The following PRKN variants were observed in gnomAD, a reference collection of about 807,000 sequenced individuals.
PRKN encodes the protein parkin RBR E3 ubiquitin protein ligase.
PRKN carries 56 observed loss-of-function variants against 59.5 expected under a neutral mutation model. The ratio of observed to expected loss-of-function variants is 0.94; its 90% CI spans 0.76 to 1.18. The LOEUF (loss-of-function observed/expected upper bound fraction) is 1.18, where lower values mean the gene tolerates loss of function less well. PRKN is among the 50% of genes most tolerant of loss of function. The pLI, the probability that PRKN is intolerant of heterozygous loss-of-function variation, is 0.00. For missense variants in PRKN, 657 were observed against 596.4 expected (o/e 1.10, Z -1.06); for synonymous variants, 250 against 222.1 (o/e 1.13, Z -1.12).
intron 9 of PRKN, among the ~76,000 whole-genome samples, chr6:161,406,189 CACACATATATACATAT>C (rs1270411004): frequency 2.0e-5 from 3 of 149,554 alleles, no homozygotes; most frequent in Non-Finnish European, 4.4e-5. Flanking sequence ...TACATATATA[CACACATATATACATAT>C]ACACATATAT....
chr6:161,903,253 G>A (rs944397651), intron 6 of PRKN, among the ~76,000 whole-genome samples: 1 of 148,670 alleles, frequency 6.7e-6, no homozygotes, highest in Non-Finnish European at 1.5e-5. Flanking sequence ...TCAGTGAGGA[G>A]ACACTGGTAG....
At position 161,545,198 on chromosome 6, in the gene PRKN, C is replaced by T; in HGVS notation, c.1083+3656G>A. On this transcript the variant is annotated intron_variant, in intron 9 of 11. Transcript: ENST00000366898. This position sits in a 1 kb window ranked among gnomAD's most constrained non-coding sequence, Gnocchi z 4.1. Reference sequence around the variant, plus strand: ...CCACATGGTAAGAGTTGTACTTTTTCTATCTTGATAATTGAGGGAAAAAAA... The same window carrying T: ...CCACATGGTAAGAGTTGTACTTTTTTTATCTTGATAATTGAGGGAAAAAAA... The T allele has an allele frequency of 7.3e-7, 1 of 1,367,952 alleles. No homozygotes were observed. Among genetic ancestry groups the T allele is most frequent in the Non-Finnish European group, 9.4e-7 (1 of 1,062,706 alleles). The allele number at this position is 1,367,952 out of a possible 1,614,324, so 84.7% of individuals were successfully genotyped here. A position where few individuals can be genotyped will look rare whatever the true frequency, so the allele number is the denominator to read the frequency against.
chr6:161,553,673 T>C (rs1363942602), intron 8 of PRKN, among the ~76,000 whole-genome samples: 1 of 152,244 alleles, frequency 6.6e-6, no homozygotes, highest in East Asian at 1.9e-4. Flanking sequence ...AGTGGTATTG[T>C]ATGAATAGGA....
chr6:161,660,620 GC>G (rs1242962415), intron 7 of PRKN, among the ~76,000 whole-genome samples: 6 of 152,096 alleles, frequency 3.9e-5, no homozygotes, highest in Non-Finnish European at 7.4e-5. Flanking sequence ...AGCGGCAGTG[GC>G]CTCACCTCTC....
chr6:161,785,120 G>A (rs1473664797), intron 7 of PRKN, among the ~76,000 whole-genome samples: 2 of 152,238 alleles, frequency 1.3e-5, no homozygotes, highest in African/African-American at 4.8e-5. Flanking sequence ...GTCACAGGCA[G>A]TGATTAGCTG....
At chr6:162,176,263 T>C (rs914331429) in intron 4 of PRKN, among the ~76,000 whole-genome samples, 1 of 152,144 alleles carries the variant, frequency 6.6e-6, no homozygotes, top group Non-Finnish European at 1.5e-5. Flanking sequence ...TTTAAGTTGG[T>C]TGAGGCTAGG....
At chr6:162,173,202 C>G (rs1488874580) in intron 4 of PRKN, among the ~76,000 whole-genome samples, 2 of 152,222 alleles carry the variant, frequency 1.3e-5, no homozygotes, top group African/African-American at 4.8e-5. Flanking sequence ...CCTCCAGCTT[C>G]CAGCTGAAAC....
At chr6:162,339,580 C>G (rs1204730192) in intron 2 of PRKN, among the ~76,000 whole-genome samples, 85 of 146,358 alleles carry the variant, frequency 5.8e-4, no homozygotes, top group Non-Finnish European at 1.1e-3. Flanking sequence ...TCTGCCCGGC[C>G]GCCCCTACTG....
chr6:162,565,728 A>G (rs979879123), intron 1 of PRKN, among the ~76,000 whole-genome samples: 1 of 151,938 alleles, frequency 6.6e-6, no homozygotes, highest in Non-Finnish European at 1.5e-5. Context: ...ATACATACAT[A>G]CATACATACA....
chr6:162,581,553 G>A (rs1323094105), intron 1 of PRKN, among the ~76,000 whole-genome samples: 1 of 152,242 alleles, frequency 6.6e-6, no homozygotes, highest in Non-Finnish European at 1.5e-5. Context: ...CTGAGGTCAG[G>A]AGTTCGGGAC....
rs1784997445 is a variant in PRKN, at chr6:161,362,098, C to A, written c.1168-1893G>T. Among the ~76,000 whole-genome samples, 1 of 152,088 alleles carries A rather than the reference C, an allele frequency of 6.6e-6. No homozygotes were observed. The highest frequency in any genetic ancestry group is 2.4e-5 in the African/African-American group (1 of 41,408). ...GTTGGTGGCAAGTTGGTAAGTCATA[C>A]AAATTGGAGAAAAATACAATTTTAC... On this transcript the variant is annotated intron_variant, in intron 10 of 11. Coordinates refer to ENST00000366898, the MANE Select transcript of PRKN (RefSeq NM_004562.3). The surrounding 1 kb of genome is among the most constrained non-coding windows in gnomAD (Gnocchi z 5.2).
Position 161,426,644 on chromosome 6 carries a change from TAC to T in PRKN, c.1084-39769_1084-39768del, listed in dbSNP as rs546537464. 1.8e-3 allele frequency among the ~76,000 whole-genome samples: 55 copies of T among 30,982 alleles called. 2 individuals carry two copies. Among genetic ancestry groups the T allele is most frequent in the Admixed American group, 0.011 (30 of 2,828 alleles). 20.3% of individuals were successfully genotyped at this position (30,982 alleles called of 152,430 possible). A position where few individuals can be genotyped will look rare whatever the true frequency, so the allele number is the denominator to read the frequency against. On this transcript the variant is annotated intron_variant, in intron 9 of 11. Transcript: ENST00000366898. ...TAATACTACTTAATAAACTCCCCTTTACACACACACACACACACACACACACA... is the reference window on the plus strand; with the variant it reads ...TAATACTACTTAATAAACTCCCCTTTACACACACACACACACACACACACA...
chr6:162,578,542 T>C (rs1476787857), intron 1 of PRKN, among the ~76,000 whole-genome samples: 1 of 152,150 alleles, frequency 6.6e-6, no homozygotes, highest in Non-Finnish European at 1.5e-5. Flanking sequence ...GGACAATGTA[T>C]TTAGGAAAAT....
chr6:161,349,768 C>T lies in PRKN; in HGVS notation c.*331G>A. 4 of 465,338 alleles carry T rather than the reference C, an allele frequency of 8.6e-6. No individual in the cohort carries two copies. In the South Asian group the frequency reaches 8.7e-5, roughly 10 times the overall value. The allele number at this position is 465,338 out of a possible 1,614,324, so 28.8% of individuals were successfully genotyped here. A position where few individuals can be genotyped will look rare whatever the true frequency, so the allele number is the denominator to read the frequency against. Reference sequence around the variant, plus strand: ...GACCCATACAGATACATGGATTGCACTTGAATCTGTGCTCTGGTATTTGTG... The same window carrying T: ...GACCCATACAGATACATGGATTGCATTTGAATCTGTGCTCTGGTATTTGTG... On this transcript the variant is annotated 3_prime_UTR_variant, in exon 12 of 12. Coordinates refer to ENST00000366898, the MANE Select transcript of PRKN (RefSeq NM_004562.3). The surrounding 1 kb of genome is among the most constrained non-coding windows in gnomAD (Gnocchi z 5.5).
At chr6:161,595,328 G>A (rs1257854815) in intron 7 of PRKN, among the ~76,000 whole-genome samples, 2 of 152,048 alleles carry the variant, frequency 1.3e-5, no homozygotes, top group African/African-American at 2.4e-5. Flanking sequence ...ACAGTGTGGG[G>A]CGAGATGTAG....
In PRKN at chr6:161,988,435, C is replaced by T. The variant is rs115738477; in HGVS notation, c.619-15018G>A. ...CCCAGGAGGCAGGGGTTGCATGAGGCGAGATCCCGCACTGCACTCCAGCCT... is the reference window on the plus strand; with the variant it reads ...CCCAGGAGGCAGGGGTTGCATGAGGTGAGATCCCGCACTGCACTCCAGCCT... On this transcript the variant is annotated intron_variant, in intron 5 of 11. Transcript: ENST00000366898. Among the ~76,000 whole-genome samples, 935 of 151,804 alleles carry T rather than the reference C, an allele frequency of 6.2e-3. 8 individuals are homozygous for T. Among genetic ancestry groups the T allele is most frequent in the African/African-American group, 0.021 (889 of 41,394 alleles).
intron 2 of PRKN, among the ~76,000 whole-genome samples, chr6:162,323,311 A>AG (rs398085476): frequency 6.6e-6 from 1 of 151,840 alleles, no homozygotes; most frequent in Non-Finnish European, 1.5e-5. Flanking sequence ...TATAGAAAAA[A>AG]ACATAAGAGA....
At chr6:161,700,386 T>C (rs1348394741) in intron 7 of PRKN, among the ~76,000 whole-genome samples, 1 of 152,136 alleles carries the variant, frequency 6.6e-6, no homozygotes, top group Non-Finnish European at 1.5e-5. Context: ...CACCAAAGTT[T>C]GGCTTCAGTG....
At chr6:162,422,648 GAGTCATA>G (rs1270048029) in intron 2 of PRKN, among the ~76,000 whole-genome samples, 10 of 152,136 alleles carry the variant, frequency 6.6e-5, no homozygotes, top group African/African-American at 9.7e-5. Flanking sequence ...AGGACATTAA[GAGTCATA>G]AGAAGGAGGC....
Sources: gnomAD v4.1 joint callset for allele counts (sites outside exome capture counted in the v4.1 genomes callset) on GRCh38, gnomAD v4.1.1 for gene constraint, Gnocchi (gnomAD v3.1) non-coding constraint, MANE v1.5 for transcripts, NCBI Gene and HGNC (gene_info 2026-07-23, HGNC 2026-07-21) for gene names.